The following QTMAN variants were observed in gnomAD, a reference collection of about 807,000 sequenced individuals.
QTMAN encodes the protein queuosine-tRNA mannosyltransferase, also known as tRNA-queuosine alpha-mannosyltransferase.
the QTMAN span, among the ~76,000 whole-genome samples, chr2:143,975,584 C>T: frequency 6.6e-6 from 1 of 152,212 alleles, no homozygotes. Context: ...ACACAGAAGA[C>T]TCCATCTTCA....
chr2:144,050,922 G>C, the QTMAN span, among the ~76,000 whole-genome samples: 16 of 152,122 alleles, frequency 1.1e-4, no homozygotes, highest in East Asian at 2.5e-3. Flanking sequence ...ATCTGTAGTT[G>C]GTTGAATCAT....
At chr2:144,256,785 G>A in the QTMAN span, among the ~76,000 whole-genome samples, 5 of 151,744 alleles carry the variant, frequency 3.3e-5, no homozygotes, top group African/African-American at 4.8e-5. Context: ...CCTAGATGAC[G>A]GGTTGACAGA....
chr2:144,223,797 G>C, the QTMAN span, among the ~76,000 whole-genome samples: 5 of 152,140 alleles, frequency 3.3e-5, no homozygotes, highest in Non-Finnish European at 5.9e-5. Context: ...CTTCTTTAAA[G>C]TGTTGAGAAT....
chr2:144,236,704 C>CA, the QTMAN span, among the ~76,000 whole-genome samples: 2 of 151,830 alleles, frequency 1.3e-5, no homozygotes, highest in Non-Finnish European at 2.9e-5. Flanking sequence ...GTCTACATAA[C>CA]AAAAAAATTA....
At chr2:144,231,692 T>C in the QTMAN span, among the ~76,000 whole-genome samples, 1 of 152,020 alleles carries the variant, frequency 6.6e-6, no homozygotes, top group Non-Finnish European at 1.5e-5. Context: ...ATTCACATTG[T>C]CCTAAATCAC....
chr2:144,105,082 A>G, the QTMAN span, among the ~76,000 whole-genome samples: 1 of 152,254 alleles, frequency 6.6e-6, no homozygotes, highest in African/African-American at 2.4e-5. Flanking sequence ...AACAGAAAGG[A>G]CATCCACAGC....
the QTMAN span, among the ~76,000 whole-genome samples, chr2:144,092,404 T>C: frequency 1.3e-5 from 2 of 152,036 alleles, no homozygotes; most frequent in African/African-American, 4.8e-5. Context: ...CTTGATCTCC[T>C]GACCTTGTGA....
At chr2:143,986,872 A>C in the QTMAN span, among the ~76,000 whole-genome samples, 8 of 152,192 alleles carry the variant, frequency 5.3e-5, no homozygotes, top group Admixed American at 5.2e-4. Flanking sequence ...GGTTAAAGGA[A>C]GATCAGGAGG....
the QTMAN span, among the ~76,000 whole-genome samples, chr2:144,050,830 AC>A: frequency 6.6e-6 from 1 of 152,070 alleles, no homozygotes; most frequent in East Asian, 1.9e-4. Flanking sequence ...TAGTTGTTAT[AC>A]TATATTTTTT....
chr2:144,035,170 G>A, the QTMAN span, among the ~76,000 whole-genome samples: 29 of 152,172 alleles, frequency 1.9e-4, no homozygotes, highest in East Asian at 5.2e-3. Context: ...AGTGTGTGTC[G>A]TCTCCCCTGC....
the QTMAN span, among the ~76,000 whole-genome samples, chr2:144,229,622 A>C: frequency 1.3e-5 from 2 of 152,240 alleles, no homozygotes. Flanking sequence ...CTTAGCATAT[A>C]GGATAAGCAA....
chr2:143,995,058 T>C, the QTMAN span, among the ~76,000 whole-genome samples: 2 of 152,040 alleles, frequency 1.3e-5, no homozygotes, highest in South Asian at 4.1e-4. Context: ...CGGAAATAAT[T>C]TGTGATATTT....
the QTMAN span, among the ~76,000 whole-genome samples, chr2:144,000,202 T>A: frequency 4.6e-5 from 7 of 152,210 alleles, no homozygotes; most frequent in Admixed American, 1.3e-4. Context: ...CTAATAGTGC[T>A]ATGTCAGAGG....
At chr2:143,966,477 T>C in the QTMAN span, among the ~76,000 whole-genome samples, 1 of 152,182 alleles carries the variant, frequency 6.6e-6, no homozygotes, top group African/African-American at 2.4e-5. Context: ...TGTTCAACAG[T>C]GCCTGGAACA....
the QTMAN span, among the ~76,000 whole-genome samples, chr2:144,296,499 G>GA: frequency 6.6e-6 from 1 of 151,868 alleles, no homozygotes; most frequent in African/African-American, 2.4e-5. Flanking sequence ...AATTATGACT[G>GA]AAAAAAATAT....
At chr2:144,035,158 A>G in the QTMAN span, among the ~76,000 whole-genome samples, 1 of 152,124 alleles carries the variant, frequency 6.6e-6, no homozygotes, top group Non-Finnish European at 1.5e-5. Flanking sequence ...TGGTCATTTA[A>G]AAGTGTGTGT....
the QTMAN span, among the ~76,000 whole-genome samples, chr2:144,239,656 A>C: frequency 6.6e-6 from 1 of 152,172 alleles, no homozygotes; most frequent in African/African-American, 2.4e-5. Context: ...TTTTCAGAAA[A>C]CCCACAAAAA....
chr2:143,975,468 GATAA>G, the QTMAN span, among the ~76,000 whole-genome samples: 5 of 152,284 alleles, frequency 3.3e-5, no homozygotes, highest in African/African-American at 1.2e-4. Flanking sequence ...ATCAGGAAAG[GATAA>G]ATGTTACTTG....
At chr2:144,156,400 T>C in the QTMAN span, among the ~76,000 whole-genome samples, 3 of 152,042 alleles carry the variant, frequency 2.0e-5, no homozygotes, top group Admixed American at 2.0e-4. Context: ...AAGAAATGTT[T>C]GAGAGAGAGT....
Sources: allele counts gnomAD v4.1 joint callset (sites outside exome capture counted in the v4.1 genomes callset), GRCh38; gene constraint gnomAD v4.1.1; transcripts MANE v1.5; gene names NCBI Gene and HGNC (gene_info 2026-07-23, HGNC 2026-07-21).